Variants in UNC5D observed in about 807,000 individuals in gnomAD.
UNC5D encodes netrin receptor UNC5D.
UNC5D carries 39 observed loss-of-function variants against 105.4 expected under a neutral mutation model. That is an observed-to-expected ratio of 0.37 (90% confidence interval 0.29 to 0.48). UNC5D has a LOEUF of 0.48. UNC5D is among the 20% of genes least tolerant of loss of function. The probability of loss-of-function intolerance (pLI) is 0.98; values close to 1 mark genes in which losing one functional copy is unlikely to be tolerated. For synonymous variants in UNC5D, 452 were observed against 450.4 expected (o/e 1.00, Z -0.04); for missense variants, 991 against 1,202.4 (o/e 0.82, Z 2.60).
intron 7 of UNC5D, among the ~76,000 whole-genome samples, chr8:35,698,944 G>T (rs926328484): frequency 2.3e-4 from 35 of 152,140 alleles, no homozygotes; most frequent in African/African-American, 7.5e-4. Context: ...CAAAGCAAAA[G>T]AATTCATAGG....
chr8:35,530,020 A>G (rs1464642236), intron 1 of UNC5D, among the ~76,000 whole-genome samples: 1 of 150,142 alleles, frequency 6.7e-6, no homozygotes, highest in Non-Finnish European at 1.5e-5. Flanking sequence ...CTCTTTTCCT[A>G]ATTGAATACC....
chr8:35,663,586 G>A (rs1425993162), intron 4 of UNC5D, among the ~76,000 whole-genome samples: 1 of 152,164 alleles, frequency 6.6e-6, no homozygotes, highest in Non-Finnish European at 1.5e-5. Context: ...GGCGGGAGGT[G>A]TATGCAGTGG....
chr8:35,326,964 T>A (rs997352767), intron 1 of UNC5D, among the ~76,000 whole-genome samples: 1 of 152,154 alleles, frequency 6.6e-6, no homozygotes, highest in African/African-American at 2.4e-5. Context: ...ATATTTAATT[T>A]GTTTTAAGGT....
chr8:35,418,202 A>G (rs1805650734), intron 1 of UNC5D, among the ~76,000 whole-genome samples: 2 of 152,078 alleles, frequency 1.3e-5, no homozygotes, highest in African/African-American at 4.8e-5. Flanking sequence ...TAAGGTCAGT[A>G]GTGTTCAGAA....
chr8:35,366,303 C>G (rs1460649245), intron 1 of UNC5D, among the ~76,000 whole-genome samples: 1 of 151,986 alleles, frequency 6.6e-6, no homozygotes, highest in Non-Finnish European at 1.5e-5. Context: ...CTTCCATGTG[C>G]CCCAGTATCC....
intron 4 of UNC5D, among the ~76,000 whole-genome samples, chr8:35,631,191 G>T (rs1822016827): frequency 6.6e-6 from 1 of 152,080 alleles, no homozygotes; most frequent in African/African-American, 2.4e-5. Flanking sequence ...TGTGTGCCTT[G>T]CAGTCCCAGC....
At chr8:35,255,328 C>T (rs1563253666) in intron 1 of UNC5D, 2 of 152,136 alleles carry the variant, frequency 1.3e-5, no homozygotes, top group African/African-American at 4.8e-5. Flanking sequence ...TGAGTAGACG[C>T]ACCCATCCAT....
In UNC5D at chr8:35,731,014, G is replaced by C. The variant is rs1349459861; in HGVS notation, c.1684G>C (p.Val562Leu). The change falls in exon 11 of 17, where the codon GTG becomes CTG. Residue 562 changes from valine (V) to leucine (L), a missense_variant and splice_region_variant. By Grantham distance (32) the Val-to-Leu change is conservative. Transcript: ENST00000404895. ...GGRLVMPNTG[V>L]SLLIPHGAIP... ...CCTGTTGGCTTTTTCTGTTTTAGGG[G>C]TGAGCTTACTCATACCACACGGTGC... is the stretch of plus-strand genomic sequence containing the variant. 6.2e-7 allele frequency: 1 copy of C among 1,613,714 alleles called. No homozygotes were observed. The highest frequency in any genetic ancestry group is 1.1e-5 in the South Asian group (1 of 91,060).
Position 35,235,907 on chromosome 8 carries a change from G to A in UNC5D, c.103+20G>A. 2.5e-6 allele frequency: 3 copies of A among 1,207,452 alleles called. No individual in the cohort carries two copies. Among genetic ancestry groups the A allele is most frequent in the Non-Finnish European group, 3.1e-6 (3 of 978,480 alleles). The allele number at this position is 1,207,452 out of a possible 1,614,324, so 74.8% of individuals were successfully genotyped here. On this transcript the variant is annotated intron_variant, in intron 1 of 16. Transcript: ENST00000404895. ...CCCGAGGTAAGCGCTGGGCGGAGCG[G>A]GCAGCTGGGGGCGAGGGCGCAGGGG...
chr8:35,715,097 G>C (rs1828181282), intron 8 of UNC5D, among the ~76,000 whole-genome samples: 1 of 152,208 alleles, frequency 6.6e-6, no homozygotes, highest in Non-Finnish European at 1.5e-5. Flanking sequence ...GTTGCGGTGT[G>C]CCAAGATTGT....
chr8:35,455,977 G>A (rs969623094), intron 1 of UNC5D, among the ~76,000 whole-genome samples: 3 of 152,120 alleles, frequency 2.0e-5, no homozygotes, highest in Admixed American at 1.3e-4. Context: ...CATATCCCTT[G>A]TAAAAAGTGC....
At chr8:35,473,817 G>A (rs1049301947) in intron 1 of UNC5D, among the ~76,000 whole-genome samples, 1 of 152,168 alleles carries the variant, frequency 6.6e-6, no homozygotes, top group Non-Finnish European at 1.5e-5. Context: ...CAGAATATGT[G>A]AGCCTGGCTA....
chr8:35,358,170 T>C (rs1437014187), intron 1 of UNC5D, among the ~76,000 whole-genome samples: 1 of 152,196 alleles, frequency 6.6e-6, no homozygotes, highest in East Asian at 1.9e-4. Context: ...GGAATATAAT[T>C]CATTCTATTA....
Position 35,549,342 on chromosome 8 carries a change from A to G in UNC5D, c.154A>G (p.Thr52Ala). The change falls in exon 2 of 17, where the codon ACA becomes GCA. Residue 52 changes from threonine (T) to alanine (A), a missense_variant. Thr to Ala is a moderately conservative substitution (Grantham distance 58, BLOSUM62 0). Around this residue, in one of 3 missense-constraint regions of UNC5D, gnomAD observed 944 missense variants for 1,131.6 expected, o/e 0.83. Transcript: ENST00000404895. Reference sequence around the variant, plus strand: ...CGAATCCATCCCATCAGCTCCTGGGACACTGCCTCATTTCATAGAGGAGCC... The same window carrying G: ...CGAATCCATCCCATCAGCTCCTGGGGCACTGCCTCATTTCATAGAGGAGCC... ...LPESIPSAPG[T>A]LPHFIEEPDD... 1 of 1,613,528 alleles carries G rather than the reference A, an allele frequency of 6.2e-7. No individual in the cohort carries two copies. The highest frequency in any genetic ancestry group is 8.5e-7 in the Non-Finnish European group (1 of 1,180,042).
At chr8:35,469,835 G>T (rs756115606) in intron 1 of UNC5D, among the ~76,000 whole-genome samples, 1 of 152,086 alleles carries the variant, frequency 6.6e-6, no homozygotes, top group Non-Finnish European at 1.5e-5. Flanking sequence ...TCTTATGAGA[G>T]GAACAAATAT....
At chr8:35,422,170 G>A (rs533974333) in intron 1 of UNC5D, among the ~76,000 whole-genome samples, 1 of 152,176 alleles carries the variant, frequency 6.6e-6, no homozygotes, top group Non-Finnish European at 1.5e-5. Context: ...GTCACCGGTT[G>A]CAATATGGCC....
intron 16 of UNC5D, among the ~76,000 whole-genome samples, chr8:35,786,740 T>C (rs920193896): frequency 2.0e-5 from 3 of 152,096 alleles, no homozygotes; most frequent in Non-Finnish European, 4.4e-5. Flanking sequence ...TTATTTCAAA[T>C]GCAGGAAGTT....
Position 35,246,407 on chromosome 8 carries a change from ATTTTT to A in UNC5D, c.103+10525_103+10529del, listed in dbSNP as rs1010041275. Among the ~76,000 whole-genome samples, 6 of 151,056 alleles carry A rather than the reference ATTTTT, an allele frequency of 4.0e-5. No homozygotes were observed. The South Asian group carries it at 1.3e-3, about 32-fold the overall frequency. On this transcript the variant is annotated intron_variant, in intron 1 of 16. Transcript: ENST00000404895. The stretch of plus-strand genomic sequence containing the variant: ...AATGTACCAACTATAAGAGAAATCT[ATTTTT>A]TTTTGTTTTGATTTCTCTTAAATCA...
intron 16 of UNC5D, among the ~76,000 whole-genome samples, chr8:35,788,207 G>A (rs745375131): frequency 1.3e-5 from 2 of 152,076 alleles, no homozygotes; most frequent in African/African-American, 2.4e-5. Context: ...GTGTGTGTGC[G>A]TGCATGCATC....
Sources: allele counts gnomAD v4.1 joint callset (sites outside exome capture counted in the v4.1 genomes callset), GRCh38; gene constraint gnomAD v4.1.1; regional missense constraint gnomAD v4.1.1; transcripts MANE v1.5; gene names NCBI Gene and HGNC (gene_info 2026-07-23, HGNC 2026-07-21).